Variants in PRKN observed in about 807,000 individuals in gnomAD.
The protein encoded by PRKN is parkin RBR E3 ubiquitin protein ligase, also known as E3 ubiquitin-protein ligase parkin.
In PRKN, 56 loss-of-function variants were observed where a neutral mutation model predicts 59.5. The observed-to-expected ratio is 0.94, with a 90% CI of 0.76 to 1.18. The LOEUF (loss-of-function observed/expected upper bound fraction) is 1.18, where lower values mean the gene tolerates loss of function less well. PRKN is among the 50% of genes most tolerant of loss of function. PRKN has a pLI of 0.00. For synonymous variants in PRKN, 250 were observed against 222.1 expected, an observed-to-expected ratio of 1.13 and a Z score of -1.12; for missense variants, 657 against 596.4, an observed-to-expected ratio of 1.10 and a Z score of -1.06.
intron 7 of PRKN, among the ~76,000 whole-genome samples, chr6:161,699,708 G>C (rs994623230): frequency 2.0e-5 from 3 of 152,100 alleles, no homozygotes; most frequent in Non-Finnish European, 4.4e-5. Context: ...CCTATGGATG[G>C]GGAAAGACAG....
At chr6:161,565,541 A>G (rs768452452) in intron 8 of PRKN, among the ~76,000 whole-genome samples, 9 of 152,114 alleles carry the variant, frequency 5.9e-5, no homozygotes, top group Non-Finnish European at 1.0e-4. Flanking sequence ...TGATGGTTGT[A>G]TAATTGGCTG....
At chr6:161,759,401 G>A (rs1789095269) in intron 7 of PRKN, among the ~76,000 whole-genome samples, 1 of 151,998 alleles carries the variant, frequency 6.6e-6, no homozygotes, top group Non-Finnish European at 1.5e-5. Flanking sequence ...GTGTTTTTCT[G>A]AATGCTTCAG....
chr6:161,746,650 C>A (rs1470993984), intron 7 of PRKN, among the ~76,000 whole-genome samples: 1 of 141,610 alleles, frequency 7.1e-6, no homozygotes, highest in African/African-American at 2.6e-5. Context: ...ATGTATATAT[C>A]TATATAGATA....
At chr6:161,936,205 C>A (rs1424345824) in intron 6 of PRKN, among the ~76,000 whole-genome samples, 1 of 149,766 alleles carries the variant, frequency 6.7e-6, no homozygotes. Flanking sequence ...AAGGTCATGG[C>A]AACATTTTTT....
chr6:162,546,842 A>G (rs1357836104), intron 1 of PRKN, among the ~76,000 whole-genome samples: 1 of 152,162 alleles, frequency 6.6e-6, no homozygotes, highest in African/African-American at 2.4e-5. Context: ...TCAGACTGAA[A>G]CAACCACCAC....
chr6:162,357,960 G>T (rs371138408), intron 2 of PRKN, among the ~76,000 whole-genome samples: 1 of 152,172 alleles, frequency 6.6e-6, no homozygotes, highest in East Asian at 1.9e-4. Context: ...GGGTAGTGGT[G>T]CTCTTCTGCA....
chr6:162,552,356 G>A (rs1384994249), intron 1 of PRKN, among the ~76,000 whole-genome samples: 1 of 152,180 alleles, frequency 6.6e-6, no homozygotes, highest in African/African-American at 2.4e-5. Context: ...CTTGAACACT[G>A]TATGAGCGGG....
At chr6:162,259,455 TC>T (rs1779793911) in intron 3 of PRKN, among the ~76,000 whole-genome samples, 1 of 152,238 alleles carries the variant, frequency 6.6e-6, no homozygotes, top group African/African-American at 2.4e-5. Flanking sequence ...AGATTTTTTT[TC>T]TCGCCATTCT....
At chr6:161,996,869 A>T (rs1781866914) in intron 5 of PRKN, among the ~76,000 whole-genome samples, 1 of 152,082 alleles carries the variant, frequency 6.6e-6, no homozygotes, top group South Asian at 2.1e-4. Flanking sequence ...AACATGGAGA[A>T]AGCACCTAAA....
At chr6:161,927,353 T>C (rs1402815035) in intron 6 of PRKN, among the ~76,000 whole-genome samples, 1 of 152,154 alleles carries the variant, frequency 6.6e-6, no homozygotes, top group Non-Finnish European at 1.5e-5. Context: ...CTCCATATTT[T>C]TAAGCTGAAA....
chr6:162,386,400 A>G (rs1236003010), intron 2 of PRKN, among the ~76,000 whole-genome samples: 2 of 152,244 alleles, frequency 1.3e-5, no homozygotes, highest in Non-Finnish European at 2.9e-5. Flanking sequence ...ATGTGAAACT[A>G]TATGTTATGT....
At chr6:162,086,839 T>A (rs60374123) in intron 4 of PRKN, among the ~76,000 whole-genome samples, 1 of 152,210 alleles carries the variant, frequency 6.6e-6, no homozygotes, top group African/African-American at 2.4e-5. Context: ...AGAACAGACC[T>A]TTTTTGTCTG....
chr6:162,011,084 T>TAATATATTCATAATATATA (rs1275342976), intron 5 of PRKN, among the ~76,000 whole-genome samples: 1 of 12,644 alleles, frequency 7.9e-5, no homozygotes, highest in Non-Finnish European at 1.1e-4. Flanking sequence ...TTATAATATA[T>TAATATATTCATAATATATA]ATTATAATAT....
intron 7 of PRKN, among the ~76,000 whole-genome samples, chr6:161,686,665 T>C (rs574151159): frequency 3.9e-5 from 6 of 152,318 alleles, no homozygotes; most frequent in Admixed American, 2.0e-4. Flanking sequence ...TTCCTATCCA[T>C]ACACAGGGCT....
chr6:161,855,567 T>C (rs1562339590), intron 6 of PRKN, among the ~76,000 whole-genome samples: 1 of 150,720 alleles, frequency 6.6e-6, no homozygotes, highest in Non-Finnish European at 1.5e-5. Flanking sequence ...GTTGATTGGG[T>C]CTTTAAAACA....
At chr6:161,731,045 T>C (rs1343576719) in intron 7 of PRKN, among the ~76,000 whole-genome samples, 2 of 152,252 alleles carry the variant, frequency 1.3e-5, no homozygotes, top group Non-Finnish European at 2.9e-5. Context: ...TGCAGTCTGA[T>C]ATGTTGCATT....
intron 6 of PRKN, among the ~76,000 whole-genome samples, chr6:161,928,794 G>A (rs1000811942): frequency 2.6e-5 from 4 of 152,146 alleles, no homozygotes; most frequent in Non-Finnish European, 4.4e-5. Context: ...AAGTGGCAGG[G>A]CTGAAATCTG....
In PRKN at chr6:161,363,103, G is replaced by T. The variant is rs563387011; in HGVS notation, c.1168-2898C>A. ...CTAAAAACACAACGATTAGCCAAGC[G>T]TGGTGGTGTGCACCTGTAGTCCCAG... On this transcript the variant is annotated intron_variant, in intron 10 of 11. Transcript: ENST00000366898. The surrounding 1 kb of genome is among the most constrained non-coding windows in gnomAD (Gnocchi z 4.1). Among the ~76,000 whole-genome samples the T allele has an allele frequency of 3.9e-5, 6 of 152,170 alleles. No homozygotes were observed. The highest frequency in any genetic ancestry group is 9.6e-5 in the African/African-American group (4 of 41,506).
intron 7 of PRKN, among the ~76,000 whole-genome samples, chr6:161,740,308 T>C (rs1016631712): frequency 1.3e-5 from 2 of 152,194 alleles, no homozygotes; most frequent in African/African-American, 4.8e-5. Context: ...CCTAAGGATG[T>C]TATTGTCCTC....
Sources: gnomAD v4.1 joint callset for allele counts (sites outside exome capture counted in the v4.1 genomes callset) on GRCh38, gnomAD v4.1.1 for gene constraint, Gnocchi (gnomAD v3.1) non-coding constraint, MANE v1.5 for transcripts, NCBI Gene and HGNC (gene_info 2026-07-23, HGNC 2026-07-21) for gene names.